Variants in CBLB observed in about 807,000 individuals in gnomAD.
CBLB encodes Cbl proto-oncogene B.
Under a neutral mutation model 104.9 loss-of-function variants are expected in CBLB, and 31 were observed. The observed-to-expected ratio is 0.30, with a 90% CI of 0.22 to 0.40. CBLB has a LOEUF of 0.40. Among genes scored for constraint, CBLB ranks in the 10% least tolerant of loss-of-function variants. The pLI is 1.00. For synonymous variants in CBLB, 440 were observed against 422.6 expected (o/e 1.04, Z -0.51); for missense variants, 1,062 against 1,214.6 (o/e 0.87, Z 1.87).
chr3:105,713,260 G>T (rs180771993), intron 10 of CBLB, among the ~76,000 whole-genome samples: 152 of 151,946 alleles, frequency 1.0e-3, no homozygotes, highest in Non-Finnish European at 2.0e-3. Flanking sequence ...GGAGTGGGAG[G>T]GGGTGTTAAA....
intron 3 of CBLB, among the ~76,000 whole-genome samples, chr3:105,805,275 A>T (rs2083360948): frequency 1.3e-5 from 2 of 150,744 alleles, no homozygotes; most frequent in African/African-American, 4.9e-5. Context: ...TTCTTATTAC[A>T]TCTCTCCTCA....
At chr3:105,683,113 G>A (rs1325913195) in intron 14 of CBLB, among the ~76,000 whole-genome samples, 1 of 152,128 alleles carries the variant, frequency 6.6e-6, no homozygotes, top group East Asian at 1.9e-4. Context: ...TCTCTTTAAG[G>A]GGCCAGATAT....
intron 3 of CBLB, among the ~76,000 whole-genome samples, chr3:105,780,014 C>T (rs1489231437): frequency 6.6e-6 from 1 of 151,790 alleles, no homozygotes; most frequent in African/African-American, 2.4e-5. Flanking sequence ...CCACCATGCC[C>T]GTCTAACTTT....
At chr3:105,799,225 A>G (rs1288831258) in intron 3 of CBLB, among the ~76,000 whole-genome samples, 1 of 152,028 alleles carries the variant, frequency 6.6e-6, no homozygotes, top group African/African-American at 2.4e-5. Context: ...AATGAAGAAA[A>G]AAGTAAAAAC....
chr3:105,861,924 CCT>C (rs1177017413), intron 2 of CBLB, among the ~76,000 whole-genome samples: 6 of 151,988 alleles, frequency 3.9e-5, no homozygotes, highest in Middle Eastern at 3.2e-3. Flanking sequence ...AATTTTTCAC[CCT>C]GTTTGGTTTT....
chr3:105,762,877 C>T (rs1349320791), intron 4 of CBLB, among the ~76,000 whole-genome samples: 1 of 152,194 alleles, frequency 6.6e-6, no homozygotes, highest in South Asian at 2.1e-4. Context: ...GCACCATGCA[C>T]CTGGAAAAGC....
chr3:105,857,072 T>C (rs186774302), intron 2 of CBLB, among the ~76,000 whole-genome samples: 1 of 152,354 alleles, frequency 6.6e-6, no homozygotes, highest in Admixed American at 6.5e-5. Context: ...TACATTATTT[T>C]CTTCTAGTTT....
chr3:105,768,486 T>C (rs2078474962), intron 4 of CBLB, among the ~76,000 whole-genome samples: 1 of 152,236 alleles, frequency 6.6e-6, no homozygotes, highest in African/African-American at 2.4e-5. Flanking sequence ...ATTCAACTAA[T>C]AACTACTAAA....
chr3:105,703,457 T>C (rs772167624), intron 11 of CBLB, among the ~76,000 whole-genome samples: 87 of 152,214 alleles, frequency 5.7e-4, no homozygotes, highest in Non-Finnish European at 6.0e-4. Context: ...GTAAAAATTA[T>C]GTCTTTAATA....
intron 10 of CBLB, among the ~76,000 whole-genome samples, chr3:105,714,464 G>A (rs1462029375): frequency 1.3e-5 from 2 of 152,058 alleles, no homozygotes; most frequent in Non-Finnish European, 1.5e-5. Flanking sequence ...CCCATCTAGG[G>A]GTGATGGGAG....
chr3:105,659,633 C>A (rs1431192100), intron 18 of CBLB, among the ~76,000 whole-genome samples: 2 of 152,134 alleles, frequency 1.3e-5, no homozygotes, highest in African/African-American at 2.4e-5. Context: ...TCCAGAGGAA[C>A]AATCTTGGGA....
chr3:105,795,610 G>A (rs1458050486), intron 3 of CBLB, among the ~76,000 whole-genome samples: 1 of 152,298 alleles, frequency 6.6e-6, no homozygotes, highest in Middle Eastern at 3.4e-3. Flanking sequence ...TCTACTTTCT[G>A]TCAAAACTTG....
At chr3:105,855,557 T>G (rs540938744) in intron 2 of CBLB, among the ~76,000 whole-genome samples, 38 of 152,230 alleles carry the variant, frequency 2.5e-4, no homozygotes, top group Non-Finnish European at 4.3e-4. Flanking sequence ...TAGAACTTTT[T>G]TTAAAAGATG....
At chr3:105,821,150 T>A (rs906069373) in intron 3 of CBLB, among the ~76,000 whole-genome samples, 2 of 152,146 alleles carry the variant, frequency 1.3e-5, no homozygotes, top group Non-Finnish European at 2.9e-5. Context: ...CATGTACTTG[T>A]TCTGTCCCTT....
In CBLB at chr3:105,734,096, G is replaced by A. The variant is rs758001430; in HGVS notation, c.1116C>T (p.Leu372=). Residue 372 remains leucine (L), a synonymous_variant, in exon 9 of 19, where the codon CTC becomes CTT. Transcript: ENST00000394030. ...TGTCATTCTCTGCACAAATCTTACA[G>A]AGCTGAAAAGTGGAGCCCATTTCAC... is the stretch of plus-strand genomic sequence containing the variant. ...LYCEMGSTFQ[L]CKICAENDKD... The A allele has an allele frequency of 6.2e-7, 1 of 1,613,952 alleles. No individual in the cohort carries two copies. The highest frequency in any genetic ancestry group is 1.1e-5 in the South Asian group (1 of 91,084).
intron 10 of CBLB, among the ~76,000 whole-genome samples, chr3:105,714,353 C>T (rs183062031): frequency 6.6e-6 from 1 of 152,090 alleles, no homozygotes; most frequent in Non-Finnish European, 1.5e-5. Flanking sequence ...CACATTATTT[C>T]TATTATTATT....
At chr3:105,828,794 G>A (rs935839092) in intron 3 of CBLB, among the ~76,000 whole-genome samples, 5 of 152,102 alleles carry the variant, frequency 3.3e-5, no homozygotes, top group African/African-American at 9.6e-5. Flanking sequence ...CAACCTACTC[G>A]ATTTTAACAA....
intron 17 of CBLB, among the ~76,000 whole-genome samples, chr3:105,675,515 A>T (rs1365577135): frequency 6.6e-6 from 1 of 152,194 alleles, no homozygotes; most frequent in Non-Finnish European, 1.5e-5. Flanking sequence ...TTAAAATATT[A>T]AAATATTTCT....
At chr3:105,755,016 C>CTTTTTTTTT (rs67405809) in intron 4 of CBLB, among the ~76,000 whole-genome samples, 7 of 143,886 alleles carry the variant, frequency 4.9e-5, no homozygotes, top group African/African-American at 1.0e-4. Flanking sequence ...AGTATCTTTT[C>CTTTTTTTTT]TTTTTTTTTT....
Sources: allele counts gnomAD v4.1 joint callset (sites outside exome capture counted in the v4.1 genomes callset), GRCh38; gene constraint gnomAD v4.1.1; transcripts MANE v1.5; gene names NCBI Gene and HGNC (gene_info 2026-07-23, HGNC 2026-07-21).